Variants in AGBL1 observed in about 807,000 individuals in gnomAD.
The protein encoded by AGBL1 is cytosolic carboxypeptidase 4.
A neutral mutation model predicts 118.9 loss-of-function variants in AGBL1; 130 were observed. The observed-to-expected ratio is 1.09, with a 90% CI of 0.95 to 1.26. The LOEUF (loss-of-function observed/expected upper bound fraction) is 1.26. Among genes scored for constraint, AGBL1 ranks in the 50% most tolerant of loss-of-function variants. The pLI is 0.00. For missense variants in AGBL1, 1,584 were observed against 1,298.1 expected (o/e 1.22, Z -3.38); for synonymous variants, 555 against 478.9 (o/e 1.16, Z -2.08).
At chr15:86,947,987 C>T (rs1596663862) in intron 23 of AGBL1, among the ~76,000 whole-genome samples, 1 of 152,236 alleles carries the variant, frequency 6.6e-6, no homozygotes, top group Admixed American at 6.5e-5. Flanking sequence ...TAATTTTCCC[C>T]CATTAACATG....
chr15:86,765,636 C>T (rs553355256), intron 22 of AGBL1, among the ~76,000 whole-genome samples: 16 of 152,064 alleles, frequency 1.1e-4, no homozygotes, highest in Admixed American at 5.9e-4. Context: ...ATTCCAAGTA[C>T]AGGCGAAAGT....
chr15:86,378,855 A>G (rs2081073711), intron 17 of AGBL1, among the ~76,000 whole-genome samples: 1 of 151,976 alleles, frequency 6.6e-6, no homozygotes, highest in Admixed American at 6.6e-5. Context: ...TTTCAGTGCT[A>G]AAACTTGGAC....
chr15:86,919,162 A>G (rs1438869810), downstream of AGBL1, among the ~76,000 whole-genome samples: 5 of 152,314 alleles, frequency 3.3e-5, no homozygotes, highest in South Asian at 1.0e-3. Context: ...TAAATCCTAA[A>G]CTGTTACTGT....
chr15:86,875,827 A>T (rs1300786337), intron 22 of AGBL1, among the ~76,000 whole-genome samples: 1 of 152,174 alleles, frequency 6.6e-6, no homozygotes, highest in Non-Finnish European at 1.5e-5. Flanking sequence ...TGGGATAGAG[A>T]TCAATGAAAG....
At chr15:86,122,345 AG>A (rs1346218334) in intron 1 of AGBL1, among the ~76,000 whole-genome samples, 1 of 152,220 alleles carries the variant, frequency 6.6e-6, no homozygotes, top group Non-Finnish European at 1.5e-5. Flanking sequence ...TCAAACTTCA[AG>A]GATTTAAAGA....
chr15:86,083,385 A>C (rs1226634003), intron 1 of AGBL1: 2 of 151,998 alleles, frequency 1.3e-5, no homozygotes, highest in African/African-American at 2.4e-5. Context: ...AAAATGCATA[A>C]TTTTTCGGTC....
intron 21 of AGBL1, among the ~76,000 whole-genome samples, chr15:86,555,758 A>T (rs556981334): frequency 6.6e-6 from 1 of 152,138 alleles, no homozygotes; most frequent in Non-Finnish European, 1.5e-5. Flanking sequence ...TTTTTTTCAT[A>T]TGTCAAATGC....
intron 3 of AGBL1, among the ~76,000 whole-genome samples, chr15:86,153,525 G>A (rs1037685000): frequency 1.3e-5 from 2 of 152,094 alleles, no homozygotes; most frequent in African/African-American, 4.8e-5. Context: ...GGGGGGCAGG[G>A]GGAGGGATAG....
intron 18 of AGBL1, among the ~76,000 whole-genome samples, chr15:86,485,033 C>A (rs1164583401): frequency 6.6e-6 from 1 of 152,098 alleles, no homozygotes; most frequent in Non-Finnish European, 1.5e-5. Context: ...TTTGAGAACT[C>A]CTTGCAGAGA....
At chr15:87,002,211 C>T (rs1379571415) in intron 24 of AGBL1, among the ~76,000 whole-genome samples, 2 of 152,036 alleles carry the variant, frequency 1.3e-5, no homozygotes, top group East Asian at 1.9e-4. Context: ...AGCCAGTTTT[C>T]CCAGCACCAT....
At chr15:86,119,761 A>G (rs1214771599) in intron 1 of AGBL1, among the ~76,000 whole-genome samples, 1 of 151,958 alleles carries the variant, frequency 6.6e-6, no homozygotes, top group African/African-American at 2.4e-5. Flanking sequence ...GCAGACTGCA[A>G]GTATCTCCTG....
At chr15:86,265,784 C>A (rs1480937366) in intron 11 of AGBL1, among the ~76,000 whole-genome samples, 1 of 152,196 alleles carries the variant, frequency 6.6e-6, no homozygotes, top group African/African-American at 2.4e-5. Context: ...ACCCTTCTCT[C>A]ACACCTCCCT....
At chr15:86,713,910 C>T (rs577890266) in intron 22 of AGBL1, among the ~76,000 whole-genome samples, 11 of 152,198 alleles carry the variant, frequency 7.2e-5, no homozygotes, top group East Asian at 5.8e-4. Flanking sequence ...GTTGAGCATG[C>T]GGCTGTTAGA....
At chr15:86,814,500 A>T (rs2078833316) in intron 22 of AGBL1, among the ~76,000 whole-genome samples, 1 of 152,158 alleles carries the variant, frequency 6.6e-6, no homozygotes, top group African/African-American at 2.4e-5. Flanking sequence ...ATTTACATAA[A>T]AGCTTGCCCA....
Position 86,946,488 on chromosome 15 carries a change from TATTC to T in AGBL1, c.3222-41495_3222-41492del, listed in dbSNP as rs1366916516. Among the ~76,000 whole-genome samples, 8 of 152,142 alleles carry T rather than the reference TATTC, an allele frequency of 5.3e-5. No homozygotes were observed. In the East Asian group the frequency reaches 1.5e-3, roughly 29 times the overall value. ...TGAACACATGAGTCCATAAACCTTT[TATTC>T]ATTTATTAATAGACTCACTATGATT... On this transcript the variant is annotated intron_variant, in intron 23 of 24. Coordinates refer to the AGBL1 transcript ENST00000441037.
intron 6 of AGBL1, among the ~76,000 whole-genome samples, chr15:86,237,327 C>A (rs2078568149): frequency 1.3e-5 from 2 of 152,116 alleles, no homozygotes; most frequent in Admixed American, 1.3e-4. Flanking sequence ...CAGTGTGAAC[C>A]GATTCATGAG....
intron 1 of AGBL1, 29 bp downstream of exon 1, chr15:86,080,052 C>T: frequency 8.1e-7 from 1 of 1,231,926 alleles, no homozygotes; most frequent in Non-Finnish European, 1.0e-6. Context: ...GGTGCAGAAC[C>T]CGGCGGGCTG....
intron 19 of AGBL1, among the ~76,000 whole-genome samples, chr15:86,524,364 A>G (rs760435065): frequency 7.2e-5 from 11 of 152,216 alleles, no homozygotes; most frequent in Non-Finnish European, 1.6e-4. Flanking sequence ...TTACCTTCAG[A>G]GGACACAGAT....
chr15:86,396,885 C>T (rs1296013811), intron 17 of AGBL1, among the ~76,000 whole-genome samples: 1 of 152,140 alleles, frequency 6.6e-6, no homozygotes, highest in East Asian at 1.9e-4. Context: ...CATCTAGCAT[C>T]ATGCTATTGA....
Sources: gnomAD v4.1 joint callset for allele counts (sites outside exome capture counted in the v4.1 genomes callset) on GRCh38, gnomAD v4.1.1 for gene constraint, MANE v1.5 for transcripts, NCBI Gene and HGNC (gene_info 2026-07-23, HGNC 2026-07-21) for gene names.